The following DNMT3B variants were observed in gnomAD, a reference collection of about 807,000 sequenced individuals.
DNMT3B encodes the protein DNA methyltransferase 3 beta, also known as DNA (cytosine-5)-methyltransferase 3B.
DNMT3B carries 37 observed loss-of-function variants against 120.2 expected under a neutral mutation model. The ratio of observed to expected loss-of-function variants is 0.31; its 90% CI spans 0.24 to 0.40. DNMT3B has a LOEUF of 0.40. DNMT3B is among the 10% of genes least tolerant of loss of function. DNMT3B has a pLI of 1.00. For synonymous variants in DNMT3B, 412 were observed against 442.8 expected (o/e 0.93, Z 0.87); for missense variants, 878 against 1,137.3 (o/e 0.77, Z 3.28).
chr20:32,789,574 C>T (rs1006474693), intron 7 of DNMT3B, among the ~76,000 whole-genome samples: 1 of 152,106 alleles, frequency 6.6e-6, no homozygotes, highest in African/African-American at 2.4e-5. Context: ...TGTTTTGATT[C>T]TTACACTCTT....
chr20:32,807,184 G>A (rs1156360774), intron 22 of DNMT3B, among the ~76,000 whole-genome samples: 1 of 152,234 alleles, frequency 6.6e-6, no homozygotes, highest in South Asian at 2.1e-4. Context: ...CTGTTGGGAT[G>A]ACTTTTAGTA....
At chr20:32,771,483 A>T in intron 1 of DNMT3B, among the ~76,000 whole-genome samples, 1 of 152,230 alleles carries the variant, frequency 6.6e-6, no homozygotes, top group South Asian at 2.1e-4. Context: ...TCTACTAAAA[A>T]TACAAAAATT....
At chr20:32,763,237 C>T (rs1246504482) in intron 1 of DNMT3B, among the ~76,000 whole-genome samples, 2 of 152,244 alleles carry the variant, frequency 1.3e-5, no homozygotes, top group Non-Finnish European at 2.9e-5. Flanking sequence ...GCTGTCCCTT[C>T]CCCCAATCCC....
rs762465821 is a variant in DNMT3B at position 32,789,021 on chromosome 20, G to A, written c.813+9G>A. The A allele has an allele frequency of 6.8e-6, 11 of 1,613,586 alleles. No homozygotes were observed. The highest frequency in any genetic ancestry group is 5.0e-5 in the Admixed American group (3 of 60,004). On this transcript the variant is annotated intron_variant, in intron 7 of 22. Transcript: ENST00000328111. ...ATGGCAAGTTCTCCGAGGTGAGTCC[G>A]GGGAAGGGCAAGGGGTTCTGCAGGC...
At chr20:32,766,493 G>C (rs1987375987) in intron 1 of DNMT3B, among the ~76,000 whole-genome samples, 1 of 152,142 alleles carries the variant, frequency 6.6e-6, no homozygotes, top group Non-Finnish European at 1.5e-5. Flanking sequence ...ACAGGTGTGA[G>C]CTACCACACA....
chr20:32,802,840 A>G (rs564380889), intron 20 of DNMT3B, among the ~76,000 whole-genome samples: 1 of 152,322 alleles, frequency 6.6e-6, no homozygotes, highest in South Asian at 2.1e-4. Flanking sequence ...TCTCTACAAA[A>G]AAATAAAGAA....
At chr20:32,796,925 C>G (rs889646925) in intron 13 of DNMT3B, 56 bp downstream of exon 13, 3 of 1,614,166 alleles carry the variant, frequency 1.9e-6, no homozygotes, top group Non-Finnish European at 2.5e-6. Context: ...TCTAACTCCC[C>G]TCTCCTTCCC....
intron 20 of DNMT3B, among the ~76,000 whole-genome samples, chr20:32,802,828 C>T (rs545991449): frequency 1.4e-4 from 22 of 152,186 alleles, no homozygotes; most frequent in African/African-American, 2.9e-4. Context: ...AGTGAGACCC[C>T]GTCTCTACAA....
At chr20:32,805,296 C>A (rs368605891) in intron 20 of DNMT3B, 42 bp from the exon 21 acceptor site, 53 of 1,613,236 alleles carry the variant, frequency 3.3e-5, no homozygotes, top group Non-Finnish European at 4.1e-5. Flanking sequence ...GCAGAGGACC[C>A]TCTATAGCTA....
chr20:32,786,707 G>A, intron 5 of DNMT3B, 80 bp downstream of exon 5: 1 of 1,603,000 alleles, frequency 6.2e-7, no homozygotes, highest in South Asian at 1.1e-5. Context: ...TACTGGTTGT[G>A]GCTGGTAGAT....
Position 32,795,647 on chromosome 20 carries a change from T to C in DNMT3B, c.1253-3T>C, listed in dbSNP as rs774793807. 1.2e-6 allele frequency: 2 copies of C among 1,614,044 alleles called. No individual in the cohort carries two copies. Among genetic ancestry groups the C allele is most frequent in the African/African-American group, 2.7e-5 (2 of 74,908 alleles). On this transcript the variant is annotated splice_polypyrimidine_tract_variant and splice_region_variant and intron_variant, in intron 11 of 22. Transcript: ENST00000328111. ...ATCTCATGCCTTCTTCTTTTCTCAA[T>C]AGAACAAATGGCTTCAGATGTTGCC...
At chr20:32,774,907 G>T (rs1457529464) in intron 1 of DNMT3B, among the ~76,000 whole-genome samples, 1 of 151,940 alleles carries the variant, frequency 6.6e-6, no homozygotes. Flanking sequence ...ATTTTTAGTA[G>T]AGACTGGTTA....
At chr20:32,786,426 C>T in intron 4 of DNMT3B, 76 bp from the exon 5 acceptor site, 1 of 1,607,514 alleles carries the variant, frequency 6.2e-7, no homozygotes, top group Non-Finnish European at 8.5e-7. Context: ...CACCTGAAGG[C>T]CTAATCCTTC....
At chr20:32,801,064 C>T (rs1259124472) in intron 18 of DNMT3B, 139 bp downstream of exon 18, 5 of 1,243,390 alleles carry the variant, frequency 4.0e-6, no homozygotes, top group Non-Finnish European at 5.8e-6. Context: ...GCTGCCTACG[C>T]TCCATAGTAA....
At chr20:32,799,349 G>A (rs748025586) in intron 16 of DNMT3B, 21 bp downstream of exon 16, 18 of 1,607,716 alleles carry the variant, frequency 1.1e-5, no homozygotes, top group Non-Finnish European at 1.3e-5. Context: ...GGAACACCTG[G>A]AGACACTGCT....
chr20:32,798,706 C>G lies in DNMT3B; in HGVS notation c.1674+63C>G, dbSNP rs1980959754. On this transcript the variant is annotated intron_variant, in intron 15 of 22. Transcript: ENST00000328111. ...CAGGGGCACAGGGTGTTGGAAAGCT[C>G]TGGAATTCTCAGAAAGAGTAATAGA... is the stretch of plus-strand genomic sequence containing the variant. 3 of 1,607,196 alleles carry G rather than the reference C, an allele frequency of 1.9e-6. No individual in the cohort carries two copies. The Admixed American group carries it at 5.0e-5, about 27-fold the overall frequency.
intron 22 of DNMT3B, 147 bp downstream of exon 22, chr20:32,806,474 G>A (rs1036396827): frequency 7.3e-6 from 6 of 820,130 alleles, no homozygotes; most frequent in Admixed American, 4.0e-5. Flanking sequence ...TTCATAGTTC[G>A]CCCTTATTTC....
At chr20:32,773,938 T>TTTTTTTG (rs1247133951) in intron 1 of DNMT3B, among the ~76,000 whole-genome samples, 60 of 140,878 alleles carry the variant, frequency 4.3e-4, no homozygotes, top group African/African-American at 1.6e-3. Context: ...GCAGTGGTTT[T>TTTTTTTG]TTTTTTTTTT....
chr20:32,762,575 G>T lies in DNMT3B; in HGVS notation c.-131G>T, dbSNP rs764071196. ...GGGTTAAGTGGCCCAAGTAAACCTA[G>T]CTCGGCGATCGGCGCCGGAGATTCG... On this transcript the variant is annotated 5_prime_UTR_variant, in exon 1 of 23. Coordinates refer to ENST00000328111, the MANE Select transcript of DNMT3B (RefSeq NM_006892.4). 8.6e-6 allele frequency: 3 copies of T among 349,642 alleles called. No homozygotes were observed. Among genetic ancestry groups the T allele is most frequent in the South Asian group, 4.2e-5 (2 of 47,206 alleles). The allele number at this position is 349,642 out of a possible 1,614,324, so 21.7% of individuals were successfully genotyped here. A position where few individuals can be genotyped will look rare whatever the true frequency, so the allele number is the denominator to read the frequency against.
Sources: allele counts gnomAD v4.1 joint callset (sites outside exome capture counted in the v4.1 genomes callset), GRCh38; gene constraint gnomAD v4.1.1; transcripts MANE v1.5; gene names NCBI Gene and HGNC (gene_info 2026-07-23, HGNC 2026-07-21).